The following ATXN2L variants were observed in gnomAD, a reference collection of about 807,000 sequenced individuals.
ATXN2L encodes ataxin-2-like protein.
A neutral mutation model predicts 120.7 loss-of-function variants in ATXN2L; 24 were observed. The ratio of observed to expected loss-of-function variants is 0.20; its 90% CI spans 0.14 to 0.28. The LOEUF is 0.28. ATXN2L is among the 10% of genes least tolerant of loss of function. ATXN2L has a pLI of 1.00. For missense variants in ATXN2L, 1,312 were observed against 1,432.3 expected (o/e 0.92, Z 1.36); for synonymous variants, 653 against 568.1 (o/e 1.15, Z -2.13).
rs200347966 is a variant in ATXN2L at position 28,836,188 on chromosome 16, T to G, written c.3151T>G (p.Leu1051Val). The G allele has an allele frequency of 6.2e-7, 1 of 1,614,034 alleles. No individual in the cohort carries two copies. Among genetic ancestry groups the G allele is most frequent in the East Asian group, 2.2e-5 (1 of 44,864 alleles). ...CGATGACAGGATTCGTGAGTTCTCA[T>G]TAGCTGGGGGAATTTGGCATGGAAG... ...GADDRIREFS[L>V]AGGIWHGRAE... The change falls in exon 22 of 22, where the codon TTA becomes GTA. Residue 1051 changes from leucine (L) to valine (V), a missense_variant. By Grantham distance (32) the Leu-to-Val change is conservative. Coordinates refer to ENST00000336783, the MANE Select transcript of ATXN2L (RefSeq NM_007245.4).
At position 28,835,291 on chromosome 16, in the gene ATXN2L, G is replaced by A; in HGVS notation, c.2577G>A (p.Gln859=). The part of the protein sequence containing the change: ...TPQALYATVH[Q]SYPHHATQLH... ...TTCCTGCTGCAGCCACTGTTCACCA[G>A]TCCTACCCACACCATGCCACACAGC... The change falls in exon 20 of 22, where the codon CAG becomes CAA. Residue 859 remains glutamine, a synonymous_variant. Coordinates refer to ENST00000336783, the MANE Select transcript of ATXN2L (RefSeq NM_007245.4). 6.2e-7 allele frequency: 1 copy of A among 1,613,844 alleles called. No homozygotes were observed. Among genetic ancestry groups the A allele is most frequent in the Non-Finnish European group, 8.5e-7 (1 of 1,179,970 alleles).
chr16:28,835,414 G>A lies in ATXN2L; in HGVS notation c.2685+15G>A, dbSNP rs767888263. 1.2e-6 allele frequency: 2 copies of A among 1,612,406 alleles called. No homozygotes were observed. Among genetic ancestry groups the A allele is most frequent in the Non-Finnish European group, 8.5e-7 (1 of 1,179,852 alleles). On this transcript the variant is annotated intron_variant, in intron 20 of 21. Coordinates refer to ENST00000336783, the MANE Select transcript of ATXN2L (RefSeq NM_007245.4). ...GTCCTGTCCAGGTGCCTGCCATGGGGGGTGCTGAGTGGTCCTGGTGCAGGA... is the reference window on the plus strand; with the variant it reads ...GTCCTGTCCAGGTGCCTGCCATGGGAGGTGCTGAGTGGTCCTGGTGCAGGA...
intron 10 of ATXN2L, 120 bp from the exon 11 acceptor site, chr16:28,832,069 CCTTGAGCTTCTAGACA>C: frequency 2.2e-6 from 2 of 898,210 alleles, no homozygotes; most frequent in Non-Finnish European, 3.3e-6. Context: ...GTGTTACCTG[CCTTGAGCTTCTAGACA>C]TTTAAGTTGG....
chr16:28,826,829 C>T, intron 5 of ATXN2L, 33 bp from the exon 6 acceptor site: 2 of 1,513,082 alleles, frequency 1.3e-6, no homozygotes, highest in Admixed American at 2.1e-5. Flanking sequence ...TGAAATATAG[C>T]CTGACTCCTG....
chr16:28,824,706 C>A (rs1238930397), intron 1 of ATXN2L: 2 of 666,730 alleles, frequency 3.0e-6, no homozygotes, highest in South Asian at 2.3e-5. Flanking sequence ...ACTCCTGGAG[C>A]TTTTGCCCTC....
chr16:28,826,720 G>T, intron 5 of ATXN2L, 142 bp from the exon 6 acceptor site: 2 of 998,696 alleles, frequency 2.0e-6, no homozygotes, highest in Non-Finnish European at 2.8e-6. Context: ...CCACCCCCTG[G>T]CCATCCTAAC....
chr16:28,831,001 G>T lies in ATXN2L; in HGVS notation c.1250G>T (p.Arg417Ile). 6.2e-7 allele frequency: 1 copy of T among 1,603,950 alleles called. No individual in the cohort carries two copies. ...TCCCCAAAGGCACAACGGCCTCTGA[G>T]AGGTGCCAAGACTCTGTCTTCGCCC... The part of the protein sequence containing the change: ...RMSPKAQRPL[R>I]GAKTLSSPSN... Residue 417 changes from arginine to isoleucine, a missense_variant, in exon 10 of 22, where the codon AGA (arginine) becomes ATA (isoleucine). Arg to Ile is a moderately conservative substitution (Grantham distance 97). Transcript: ENST00000336783.
At chr16:28,835,467 T>C in intron 20 of ATXN2L, 68 bp downstream of exon 20, 2 of 1,611,338 alleles carry the variant, frequency 1.2e-6, no homozygotes, top group Non-Finnish European at 1.7e-6. Context: ...GGGATAGAGC[T>C]AGGGGTCATT....
chr16:28,835,423 G>C, intron 20 of ATXN2L, 24 bp downstream of exon 20: 1 of 1,612,176 alleles, frequency 6.2e-7, no homozygotes, highest in Non-Finnish European at 8.5e-7. Flanking sequence ...GGGGTGCTGA[G>C]TGGTCCTGGT....
At chr16:28,832,463 AG>A (rs1478179005) in intron 11 of ATXN2L, 32 bp from the exon 12 acceptor site, 4 of 1,613,046 alleles carry the variant, frequency 2.5e-6, no homozygotes, top group Non-Finnish European at 3.4e-6. Context: ...TCTGGACAGA[AG>A]GACCTTTAGG....
At position 28,826,255 on chromosome 16, in the gene ATXN2L, G is replaced by A. The variant is rs1322322052; in HGVS notation, c.481G>A (p.Asp161Asn). The change falls in exon 5 of 22, where the codon GAT (aspartate) becomes AAT (asparagine). Residue 161 changes from aspartate (D) to asparagine (N), a missense_variant. Coordinates refer to ENST00000336783, the MANE Select transcript of ATXN2L (RefSeq NM_007245.4). ...GTGTTTGTAGTTTGAACTAGCCGTGGATGCTGTGCACCGGAAAGCATCTGA... is the reference window on the plus strand; with the variant it reads ...GTGTTTGTAGTTTGAACTAGCCGTGAATGCTGTGCACCGGAAAGCATCTGA... ...TLSSKFELAV[D>N]AVHRKASEPA... 3.1e-6 allele frequency: 5 copies of A among 1,614,048 alleles called. No individual in the cohort carries two copies. The East Asian group carries it at 6.7e-5, about 22-fold the overall frequency.
chr16:28,830,543 A>C (rs1280001546), intron 8 of ATXN2L, 72 bp from the exon 9 acceptor site: 1 of 1,431,318 alleles, frequency 7.0e-7, no homozygotes, highest in Non-Finnish European at 9.4e-7. Flanking sequence ...AGACTTTAGA[A>C]GAAGAAATGG....
chr16:28,828,672 C>T (rs1160713584), intron 6 of ATXN2L, among the ~76,000 whole-genome samples: 2 of 151,566 alleles, frequency 1.3e-5, no homozygotes, highest in South Asian at 2.1e-4. Flanking sequence ...TTTTTTTCCA[C>T]TCTTGTTTTG....
rs572235853 is a variant in ATXN2L at position 28,831,361 on chromosome 16, A to G, written c.1321+289A>G. Among the ~76,000 whole-genome samples, 4 of 152,092 alleles carry G rather than the reference A, an allele frequency of 2.6e-5. No homozygotes were observed. In the East Asian group the frequency reaches 7.7e-4, roughly 29 times the overall value. On this transcript the variant is annotated intron_variant, in intron 10 of 21. Coordinates refer to ENST00000336783, the MANE Select transcript of ATXN2L (RefSeq NM_007245.4). The stretch of plus-strand genomic sequence containing the variant: ...TTCTTTTTTTGAAACGGAGTCTTGC[A>G]CTGTTGCCTGGGCCAGAGTACGGTG...
Position 28,832,225 on chromosome 16 carries a change from C to A in ATXN2L, c.1342C>A (p.Arg448Ser), listed in dbSNP as rs764750247. 4 of 1,614,028 alleles carry A rather than the reference C, an allele frequency of 2.5e-6. No homozygotes were observed. The highest frequency in any genetic ancestry group is 1.7e-5 in the Admixed American group (1 of 59,994). ...TCCAGTGGGCCGGATGTATCCCCCG[C>A]GTTCTCCCAAGTCTGCTGCCCCTGC... ...PPAVGRMYPP[R>S]SPKSAAPAPI... The change falls in exon 11 of 22, where the codon CGT becomes AGT. Residue 448 changes from arginine (R) to serine (S), a missense_variant. Arg to Ser is a moderately radical substitution (Grantham distance 110). Coordinates refer to ENST00000336783, the MANE Select transcript of ATXN2L (RefSeq NM_007245.4).
chr16:28,824,129 GGC>G, intron 1 of ATXN2L: 1 of 1,023,332 alleles, frequency 9.8e-7, no homozygotes, highest in African/African-American at 1.7e-5. Flanking sequence ...GGGAGCCTCT[GGC>G]GCGCGCGCCC....
chr16:28,835,568 C>G lies in ATXN2L; in HGVS notation c.2705C>G (p.Pro902Arg). The change falls in exon 21 of 22, where the codon CCA becomes CGA. Residue 902 changes from proline (P) to arginine (R), a missense_variant. Pro to Arg is a moderately radical substitution (Grantham distance 103). Transcript: ENST00000336783. Reference protein sequence around the residue: ...SPVQHQAGQAPHLGSGQPQQN... With the variant: ...SPVQHQAGQARHLGSGQPQQN... ...CAGCAGCATCAGGCGGGGCAGGCCC[C>G]ACACTTGGGCAGTGGACAGCCACAG... The G allele has an allele frequency of 6.2e-7, 1 of 1,613,810 alleles. No individual in the cohort carries two copies. The highest frequency in any genetic ancestry group is 8.5e-7 in the Non-Finnish European group (1 of 1,179,936).
Position 28,823,268 on chromosome 16 carries a change from G to T in ATXN2L, c.9G>T (p.Lys3Asn). The change falls in exon 1 of 22, where the codon AAG (lysine) becomes AAT (asparagine). Residue 3 changes from lysine (K) to asparagine (N), a missense_variant. By Grantham distance (94) the Lys-to-Asn change is moderately conservative. Transcript: ENST00000336783. ...TTCCGGACGCTGCCATCATGTTGAA[G>T]CCTCAGCCGCTACAACAGCCCTCCC... The part of the protein sequence containing the change: ML[K>N]PQPLQQPSQP... 6.7e-7 allele frequency: 1 copy of T among 1,491,962 alleles called. No homozygotes were observed. The highest frequency in any genetic ancestry group is 8.9e-7 in the Non-Finnish European group (1 of 1,120,934). 92.4% of individuals were successfully genotyped at this position (1,491,962 alleles called of 1,614,324 possible).
In ATXN2L at chr16:28,832,402, A is replaced by G; in HGVS notation, c.1516+3A>G. 1 of 1,613,816 alleles carries G rather than the reference A, an allele frequency of 6.2e-7. No homozygotes were observed. Among genetic ancestry groups the G allele is most frequent in the Non-Finnish European group, 8.5e-7 (1 of 1,179,750 alleles). ...GATCTCCCTGGCCCCCACAGATGGT[A>G]AGAGCTAGGTGTTTGAGTGCTGTGA... On this transcript the variant is annotated splice_donor_region_variant and intron_variant, in intron 11 of 21. Transcript: ENST00000336783.
Sources: gnomAD v4.1 joint callset for allele counts (sites outside exome capture counted in the v4.1 genomes callset) on GRCh38, gnomAD v4.1.1 for gene constraint, MANE v1.5 for transcripts, NCBI Gene and HGNC (gene_info 2026-07-23, HGNC 2026-07-21) for gene names.